The following ITGAE variants were observed in gnomAD, a reference collection of about 807,000 sequenced individuals.
The protein encoded by ITGAE is integrin alpha-E.
In ITGAE, 99 loss-of-function variants were observed where a neutral mutation model predicts 136.5. The ratio of observed to expected loss-of-function variants is 0.73; its 90% CI spans 0.62 to 0.86. The LOEUF (loss-of-function observed/expected upper bound fraction) is 0.86, where lower values mean the gene tolerates loss of function less well. ITGAE is among the 40% of genes least tolerant of loss of function. ITGAE has a pLI of 0.00. For missense variants in ITGAE, 1,447 were observed against 1,515.3 expected, an observed-to-expected ratio of 0.95 and a Z score of 0.75; for synonymous variants, 613 against 591.8, an observed-to-expected ratio of 1.04 and a Z score of -0.52.
At chr17:3,722,749 A>G (rs2051082979) in intron 28 of ITGAE, among the ~76,000 whole-genome samples, 1 of 152,244 alleles carries the variant, frequency 6.6e-6, no homozygotes, top group African/African-American at 2.4e-5. Context: ...TCTGGCCATG[A>G]AAAAAGTATG....
At chr17:3,770,943 A>G (rs2143227984) in intron 2 of ITGAE, among the ~76,000 whole-genome samples, 1 of 152,286 alleles carries the variant, frequency 6.6e-6, no homozygotes, top group Admixed American at 6.5e-5. Context: ...ACAGTTACAG[A>G]AAACGCTGAC....
At chr17:3,787,611 G>A (rs1348778826) in intron 1 of ITGAE, among the ~76,000 whole-genome samples, 1 of 152,016 alleles carries the variant, frequency 6.6e-6, no homozygotes, top group East Asian at 1.9e-4. Flanking sequence ...ATTCCTGTTG[G>A]GCATATGTCT....
chr17:3,743,416 AAGTTAGGGG>A, intron 19 of ITGAE, 64 bp downstream of exon 19: 1 of 1,474,414 alleles, frequency 6.8e-7, no homozygotes, highest in Non-Finnish European at 9.0e-7. Flanking sequence ...CCATTCTTGG[AAGTTAGGGG>A]AGCAGGTGGT....
At chr17:3,724,444 G>C in intron 26 of ITGAE, 5 of 1,613,582 alleles carry the variant, frequency 3.1e-6, no homozygotes, top group Non-Finnish European at 4.2e-6. Flanking sequence ...TCCCTGTTCA[G>C]CTCTCTGGCC....
chr17:3,787,904 C>G (rs113968167), intron 1 of ITGAE, among the ~76,000 whole-genome samples: 12,184 of 151,694 alleles, frequency 0.08, 781 homozygotes, highest in African/African-American at 0.18. Context: ...GGCCAGGCTG[C>G]TCTCGAACTC....
At chr17:3,739,783 C>T in intron 20 of ITGAE, 22 bp downstream of exon 20, 1 of 1,607,954 alleles carries the variant, frequency 6.2e-7, no homozygotes, top group Non-Finnish European at 8.5e-7. Flanking sequence ...ATCGAGGAAA[C>T]TGACGGCTAT....
At chr17:3,739,775 C>T (rs766050176) in intron 20 of ITGAE, 30 bp downstream of exon 20, 11 of 1,595,858 alleles carry the variant, frequency 6.9e-6, no homozygotes, top group East Asian at 2.2e-5. Context: ...GAAGGTTAAT[C>T]GAGGAAACTG....
At chr17:3,765,654 C>T (rs1016420344) in intron 2 of ITGAE, among the ~76,000 whole-genome samples, 4 of 152,104 alleles carry the variant, frequency 2.6e-5, no homozygotes, top group African/African-American at 7.2e-5. Flanking sequence ...TCCAACGGAC[C>T]GCTCTCTGTC....
intron 1 of ITGAE, among the ~76,000 whole-genome samples, chr17:3,795,924 TGCATCCGTGTGTGTGCATCCGTGTGTGC>T (rs1772537577): frequency 2.1e-5 from 3 of 145,494 alleles, no homozygotes; most frequent in Admixed American, 2.0e-4. Context: ...TCCGTGTGTG[TGCATCCGTGTGTGTGCATCCGTGTGTGC>T]ATCCCTGTGT....
In ITGAE at chr17:3,725,736, A is replaced by G. The variant is rs555498440; in HGVS notation, c.3085-1992T>C. On this transcript the variant is annotated intron_variant, in intron 26 of 30. Coordinates refer to ENST00000263087, the MANE Select transcript of ITGAE (RefSeq NM_002208.5). ...TTTTTTTAAAGACGACCAGCTCTTCATTGTGCTGGAATTTGAGTTTGGAGG... is the reference window on the plus strand; with the variant it reads ...TTTTTTTAAAGACGACCAGCTCTTCGTTGTGCTGGAATTTGAGTTTGGAGG... 14 of 1,580,880 alleles carry G rather than the reference A, an allele frequency of 8.9e-6. No homozygotes were observed. In the East Asian group the frequency reaches 2.7e-4, roughly 30 times the overall value.
intron 17 of ITGAE, among the ~76,000 whole-genome samples, chr17:3,747,287 G>A (rs1415091208): frequency 6.6e-6 from 1 of 152,166 alleles, no homozygotes; most frequent in African/African-American, 2.4e-5. Flanking sequence ...ACGCACACAC[G>A]TGGGCATGGA....
At chr17:3,724,216 T>C in intron 26 of ITGAE, 1 of 1,593,338 alleles carries the variant, frequency 6.3e-7, no homozygotes, top group South Asian at 1.1e-5. Flanking sequence ...CGGCCCAGCC[T>C]GACCGTGACC....
chr17:3,750,636 A>C (rs1160976040), intron 15 of ITGAE, among the ~76,000 whole-genome samples, 154 bp from the exon 16 acceptor site: 1 of 152,176 alleles, frequency 6.6e-6, no homozygotes, highest in Non-Finnish European at 1.5e-5. Flanking sequence ...AAGCTTTCCC[A>C]GAGGAAGTGG....
In ITGAE at chr17:3,794,584, A is replaced by G. The variant is rs940094265; in HGVS notation, c.34+6527T>C. ...CACTTACAGCCTACATAGACTCTCA[A>G]AGGTTCCAGATCAAGACCCCTAGGC... On this transcript the variant is annotated intron_variant, in intron 1 of 30. Coordinates refer to ENST00000263087, the MANE Select transcript of ITGAE (RefSeq NM_002208.5). Among the ~76,000 whole-genome samples, 3 of 152,134 alleles carry G rather than the reference A, an allele frequency of 2.0e-5. No individual in the cohort carries two copies. The South Asian group carries it at 6.2e-4, about 32-fold the overall frequency.
At chr17:3,759,594 G>A in intron 7 of ITGAE, 41 bp from the exon 8 acceptor site, 3 of 1,591,314 alleles carry the variant, frequency 1.9e-6, no homozygotes, top group Non-Finnish European at 2.6e-6. Context: ...TGGAAGAATT[G>A]CCACCTCTGC....
intron 22 of ITGAE, among the ~76,000 whole-genome samples, 169 bp from the exon 23 acceptor site, chr17:3,731,352 T>C (rs1410775871): frequency 4.9e-5 from 4 of 80,942 alleles, no homozygotes; most frequent in Non-Finnish European, 8.5e-5. Flanking sequence ...TTTTTTTTTT[T>C]TTTTTTTGAG....
chr17:3,716,933 C>G (rs2050955487), intron 29 of ITGAE, 135 bp from the exon 30 acceptor site: 3 of 598,690 alleles, frequency 5.0e-6, no homozygotes, highest in Non-Finnish European at 8.9e-6. Context: ...GACAGTAAAG[C>G]AAAAAGCTAG....
chr17:3,765,499 A>T (rs1279917672), intron 2 of ITGAE, among the ~76,000 whole-genome samples: 2 of 152,030 alleles, frequency 1.3e-5, no homozygotes, highest in Non-Finnish European at 2.9e-5. Context: ...AAATATATTC[A>T]CGTATCGGCA....
chr17:3,736,394 C>T (rs1181440481), intron 20 of ITGAE, among the ~76,000 whole-genome samples: 1 of 152,148 alleles, frequency 6.6e-6, no homozygotes, highest in Non-Finnish European at 1.5e-5. Flanking sequence ...TACCCAAATC[C>T]TCTTTCTACC....
Sources: allele counts gnomAD v4.1 joint callset (sites outside exome capture counted in the v4.1 genomes callset), GRCh38; gene constraint gnomAD v4.1.1; transcripts MANE v1.5; gene names NCBI Gene and HGNC (gene_info 2026-07-23, HGNC 2026-07-21).